DIP2C: variants seen among roughly 807,000 people sequenced by gnomAD.
The protein encoded by DIP2C is disco-interacting protein 2 homolog C.
Under a neutral mutation model 192.4 loss-of-function variants are expected in DIP2C, and 33 were observed. That is an observed-to-expected ratio of 0.17 (90% confidence interval 0.13 to 0.23). The LOEUF (loss-of-function observed/expected upper bound fraction) is 0.23, where lower values mean the gene tolerates loss of function less well. Ranked by LOEUF, DIP2C falls within the 10% of genes least tolerant of loss-of-function variation. The pLI, the probability that DIP2C is intolerant of heterozygous loss-of-function variation, is 1.00. For synonymous variants in DIP2C, 979 were observed against 864.1 expected, an observed-to-expected ratio of 1.13 and a Z score of -2.33; for missense variants, 1,537 against 2,110.1, an observed-to-expected ratio of 0.73 and a Z score of 5.32.
intron 1 of DIP2C, among the ~76,000 whole-genome samples, chr10:592,084 A>G (rs1183176612): frequency 6.6e-6 from 1 of 152,208 alleles, no homozygotes; most frequent in African/African-American, 2.4e-5. Context: ...GGTATTCAAC[A>G]AGAGGTTTTT....
At chr10:580,411 G>C (rs975602717) in intron 1 of DIP2C, among the ~76,000 whole-genome samples, 4 of 150,886 alleles carry the variant, frequency 2.7e-5, no homozygotes, top group East Asian at 3.9e-4. Flanking sequence ...TACCCATATG[G>C]TGTATGTACA....
chr10:674,311 A>C (rs1460050285), intron 1 of DIP2C, among the ~76,000 whole-genome samples: 1 of 152,240 alleles, frequency 6.6e-6, no homozygotes, highest in Admixed American at 6.5e-5. Flanking sequence ...GAGTAGCTAT[A>C]TTTATTTCAG....
chr10:391,432 G>C (rs1016421215), intron 10 of DIP2C, among the ~76,000 whole-genome samples: 1 of 152,234 alleles, frequency 6.6e-6, no homozygotes, highest in African/African-American at 2.4e-5. Flanking sequence ...TGCTGAAACA[G>C]GCCACTGCTG....
At chr10:546,340 A>C (rs773127826) in intron 1 of DIP2C, among the ~76,000 whole-genome samples, 17 of 152,138 alleles carry the variant, frequency 1.1e-4, no homozygotes, top group Non-Finnish European at 2.4e-4. Context: ...ATGTTAATAA[A>C]CAGCACAGTC....
At chr10:524,004 G>A (rs58074278) in intron 1 of DIP2C, among the ~76,000 whole-genome samples, 1 of 152,324 alleles carries the variant, frequency 6.6e-6, no homozygotes, top group African/African-American at 2.4e-5. Flanking sequence ...GGTGGCTGGG[G>A]CTTCCCATAA....
At chr10:367,398 C>CAG (rs1332304576) in intron 18 of DIP2C, among the ~76,000 whole-genome samples, 11 of 147,236 alleles carry the variant, frequency 7.5e-5, no homozygotes, top group East Asian at 2.0e-4. Context: ...GCCTGGGCGA[C>CAG]AGCGAGACTC....
At chr10:511,463 T>TA (rs1846006981) in intron 1 of DIP2C, among the ~76,000 whole-genome samples, 1 of 152,246 alleles carries the variant, frequency 6.6e-6, no homozygotes, top group Non-Finnish European at 1.5e-5. Context: ...AAGGTGCTAC[T>TA]AGTGCCTTAT....
At chr10:601,544 G>T (rs953331834) in intron 1 of DIP2C, among the ~76,000 whole-genome samples, 1 of 152,222 alleles carries the variant, frequency 6.6e-6, no homozygotes, top group Admixed American at 6.5e-5. Flanking sequence ...TCCAGGGCAC[G>T]AGAGAATTCC....
At chr10:436,748 A>C (rs1967251057) in intron 4 of DIP2C, among the ~76,000 whole-genome samples, 1 of 115,608 alleles carries the variant, frequency 8.6e-6, no homozygotes, top group Non-Finnish European at 1.6e-5. Context: ...TGCTTCCTGG[A>C]CATGGTAGGG....
chr10:520,349 G>A (rs554594334), intron 1 of DIP2C, among the ~76,000 whole-genome samples: 40 of 152,332 alleles, frequency 2.6e-4, no homozygotes, highest in Non-Finnish European at 5.0e-4. Flanking sequence ...GAAGACGTGT[G>A]CGTTACCTGC....
At chr10:392,305 C>T (rs549741444) in intron 10 of DIP2C, among the ~76,000 whole-genome samples, 35 of 152,276 alleles carry the variant, frequency 2.3e-4, no homozygotes, top group Middle Eastern at 3.4e-3. Flanking sequence ...TGTCACAAGA[C>T]GGAGGAACGG....
intron 9 of DIP2C, among the ~76,000 whole-genome samples, chr10:406,687 G>A (rs1309193779): frequency 2.0e-5 from 3 of 152,142 alleles, no homozygotes; most frequent in African/African-American, 7.2e-5. Flanking sequence ...TTGGGGACCA[G>A]TCTGCCTTTG....
At chr10:454,060 T>C (rs895252269) in intron 3 of DIP2C, among the ~76,000 whole-genome samples, 1 of 152,166 alleles carries the variant, frequency 6.6e-6, no homozygotes, top group African/African-American at 2.4e-5. Context: ...CAATAAAGGG[T>C]GAATTTGGAG....
chr10:595,681 C>T (rs1314739185), intron 1 of DIP2C, among the ~76,000 whole-genome samples: 1 of 152,244 alleles, frequency 6.6e-6, no homozygotes, highest in African/African-American at 2.4e-5. Flanking sequence ...TTACCGAAAT[C>T]CACGCGTCCG....
rs751759969 is a variant in DIP2C at position 585,236 on chromosome 10, TC to T, written c.86-98707del. The stretch of plus-strand genomic sequence containing the variant: ...CCACTGACTTCGTCAGAGCAAGCGT[TC>T]CCCATCCCACGCCACCCTGTTTTTC... On this transcript the variant is annotated intron_variant, in intron 1 of 36. Transcript: ENST00000280886. Among the ~76,000 whole-genome samples the T allele has an allele frequency of 5.9e-5, 9 of 152,266 alleles. No individual in the cohort carries two copies. In the East Asian group the frequency reaches 1.4e-3, roughly 23 times the overall value.
chr10:416,530 GAAGTTA>G (rs1965646405), intron 6 of DIP2C, among the ~76,000 whole-genome samples: 1 of 152,100 alleles, frequency 6.6e-6, no homozygotes, highest in Non-Finnish European at 1.5e-5. Flanking sequence ...CTAAAGCACA[GAAGTTA>G]AAGTCTCTAA....
At chr10:301,006 G>A (rs1956019052) in intron 32 of DIP2C, among the ~76,000 whole-genome samples, 1 of 152,212 alleles carries the variant, frequency 6.6e-6, no homozygotes, top group African/African-American at 2.4e-5. Flanking sequence ...AGAACTATCA[G>A]TGTGTAGTCC....
intron 1 of DIP2C, among the ~76,000 whole-genome samples, chr10:490,251 A>T (rs559810511): frequency 6.6e-6 from 1 of 152,326 alleles, no homozygotes; most frequent in African/African-American, 2.4e-5. Context: ...TGAATGATCA[A>T]TTAATTCCTG....
At position 348,768 on chromosome 10, in the gene DIP2C, C is replaced by T. The variant is rs1958643344; in HGVS notation, c.3110-6G>A. 2 of 1,612,894 alleles carry T rather than the reference C, an allele frequency of 1.2e-6. No homozygotes were observed. The highest frequency in any genetic ancestry group is 1.3e-5 in the African/African-American group (1 of 74,848). On this transcript the variant is annotated splice_region_variant and splice_polypyrimidine_tract_variant and intron_variant, in intron 25 of 36. Coordinates refer to ENST00000280886, the MANE Select transcript of DIP2C (RefSeq NM_014974.3). ...CGCTGCTATCAGGTCTATTCCTACA[C>T]AAGGAGAGAAACATCATCATTGAAG...
Sources: allele counts gnomAD v4.1 joint callset (sites outside exome capture counted in the v4.1 genomes callset), GRCh38; gene constraint gnomAD v4.1.1; transcripts MANE v1.5; gene names NCBI Gene and HGNC (gene_info 2026-07-23, HGNC 2026-07-21).